CBFA2T3: variants seen among roughly 807,000 people sequenced by gnomAD.
The protein encoded by CBFA2T3 is CBFA2/RUNX1 partner transcriptional co-repressor 3.
CBFA2T3 carries 31 observed loss-of-function variants against 58.6 expected under a neutral mutation model. The observed-to-expected ratio is 0.53, with a 90% CI of 0.40 to 0.71. The LOEUF (loss-of-function observed/expected upper bound fraction) is 0.71, where lower values mean the gene tolerates loss of function less well. CBFA2T3 is among the 30% of genes least tolerant of loss of function. CBFA2T3 has a pLI of 0.00. For missense variants in CBFA2T3, 1,076 were observed against 963.1 expected (o/e 1.12, Z -1.55); for synonymous variants, 531 against 421.9 (o/e 1.26, Z -3.17).
chr16:88,968,242 G>A (rs968461017), intron 1 of CBFA2T3, among the ~76,000 whole-genome samples: 2 of 152,206 alleles, frequency 1.3e-5, no homozygotes, highest in African/African-American at 4.8e-5. Context: ...CGTCCCAGCT[G>A]TCTCTGGCCC....
Position 88,973,523 on chromosome 16 carries a change from C to T in CBFA2T3, c.151+3134G>A, listed in dbSNP as rs531644943. Among the ~76,000 whole-genome samples the T allele has an allele frequency of 7.3e-4, 111 of 152,288 alleles. 1 individual carries two copies. The Middle Eastern group carries it at 0.027, about 37-fold the overall frequency. Reference sequence around the variant, plus strand: ...ACTGCAGCCCCAGGAGATAGAAACACCCGGGGAGGGCAATCCAGACCCAGA... The same window carrying T: ...ACTGCAGCCCCAGGAGATAGAAACATCCGGGGAGGGCAATCCAGACCCAGA... On this transcript the variant is annotated intron_variant, in intron 1 of 11. Coordinates refer to ENST00000268679, the MANE Select transcript of CBFA2T3 (RefSeq NM_005187.6).
intron 1 of CBFA2T3, among the ~76,000 whole-genome samples, chr16:88,942,430 C>T (rs928637337): frequency 2.0e-5 from 3 of 152,158 alleles, no homozygotes; most frequent in African/African-American, 4.8e-5. Flanking sequence ...TGTGAAGGTC[C>T]GAGGTCCCCA....
intron 1 of CBFA2T3, among the ~76,000 whole-genome samples, chr16:88,923,262 G>A (rs550583637): frequency 2.6e-5 from 4 of 152,228 alleles, no homozygotes; most frequent in South Asian, 4.1e-4. Context: ...CCTGTGAAAC[G>A]GGGGGGACCC....
intron 1 of CBFA2T3, among the ~76,000 whole-genome samples, chr16:88,924,445 G>T (rs1416591564): frequency 6.6e-6 from 1 of 152,202 alleles, no homozygotes; most frequent in Non-Finnish European, 1.5e-5. Context: ...GAGGCTCTCG[G>T]GGGCGATGGC....
chr16:88,926,073 G>C (rs1288342903), intron 1 of CBFA2T3, among the ~76,000 whole-genome samples: 1 of 152,224 alleles, frequency 6.6e-6, no homozygotes, highest in Non-Finnish European at 1.5e-5. Context: ...GGGAGCACTT[G>C]GTGGGCGCTG....
intron 3 of CBFA2T3, among the ~76,000 whole-genome samples, chr16:88,896,457 G>A (rs557349916): frequency 3.3e-5 from 5 of 152,142 alleles, no homozygotes; most frequent in Non-Finnish European, 2.9e-5. Flanking sequence ...CTTCTGGGGG[G>A]ACAGTGGACG....
chr16:88,944,393 G>C lies in CBFA2T3; in HGVS notation c.151+32264C>G, dbSNP rs941505798. Among the ~76,000 whole-genome samples, 3 of 150,340 alleles carry C rather than the reference G, an allele frequency of 2.0e-5. No homozygotes were observed. The South Asian group carries it at 6.3e-4, about 32-fold the overall frequency. ...CCTCCCCTCCTCATGGCATGGCAGCGTTTCCAAGTAAAGTTGACTCCCCAT... is the reference window on the plus strand; with the variant it reads ...CCTCCCCTCCTCATGGCATGGCAGCCTTTCCAAGTAAAGTTGACTCCCCAT... On this transcript the variant is annotated intron_variant, in intron 1 of 11. Coordinates refer to ENST00000268679, the MANE Select transcript of CBFA2T3 (RefSeq NM_005187.6).
chr16:88,975,938 C>T (rs1047708636), intron 1 of CBFA2T3, among the ~76,000 whole-genome samples: 1 of 152,344 alleles, frequency 6.6e-6, no homozygotes, highest in African/African-American at 2.4e-5. Flanking sequence ...AAGGTTCCGA[C>T]GGCTGCTGGG....
At chr16:88,962,730 G>A (rs1316950868) in intron 1 of CBFA2T3, among the ~76,000 whole-genome samples, 4 of 152,202 alleles carry the variant, frequency 2.6e-5, no homozygotes, top group African/African-American at 9.6e-5. Context: ...GCCCAGCCAC[G>A]AACATGGGTG....
At chr16:88,954,571 C>T (rs77945152) in intron 1 of CBFA2T3, among the ~76,000 whole-genome samples, 4 of 63,052 alleles carry the variant, frequency 6.3e-5, no homozygotes, top group South Asian at 1.5e-3. Context: ...CCTGACCCTA[C>T]CCAAGGCTCC....
intron 1 of CBFA2T3, among the ~76,000 whole-genome samples, chr16:88,934,226 G>A (rs1971420543): frequency 1.3e-5 from 2 of 151,322 alleles, no homozygotes; most frequent in African/African-American, 2.4e-5. Flanking sequence ...GAGAAGGGCT[G>A]CCCCATGCCC....
Position 88,963,636 on chromosome 16 carries a change from G to A in CBFA2T3, c.151+13021C>T, listed in dbSNP as rs528513505. On this transcript the variant is annotated intron_variant, in intron 1 of 11. Coordinates refer to ENST00000268679, the MANE Select transcript of CBFA2T3 (RefSeq NM_005187.6). ...ATAAAATGGGACCAGACCGTATGCGGCCTCTTGGCTCTTTCACTTAGTGTG... is the reference window on the plus strand; with the variant it reads ...ATAAAATGGGACCAGACCGTATGCGACCTCTTGGCTCTTTCACTTAGTGTG... Among the ~76,000 whole-genome samples the A allele has an allele frequency of 5.3e-5, 8 of 152,336 alleles. No individual in the cohort carries two copies. The South Asian group carries it at 1.2e-3, about 24-fold the overall frequency.
intron 1 of CBFA2T3, among the ~76,000 whole-genome samples, chr16:88,968,368 G>C (rs955705482): frequency 1.3e-5 from 2 of 152,248 alleles, no homozygotes; most frequent in African/African-American, 4.8e-5. Context: ...CCCAGGTGGG[G>C]ACGGCCCCTT....
At chr16:88,898,027 G>A in intron 3 of CBFA2T3, 51 bp downstream of exon 3, 12 of 1,335,528 alleles carry the variant, frequency 9.0e-6, no homozygotes, top group Non-Finnish European at 1.1e-5. Context: ...AGCTGAGGAT[G>A]CTGCGGTGAA....
chr16:88,975,686 G>T (rs993423315), intron 1 of CBFA2T3, among the ~76,000 whole-genome samples: 13 of 152,410 alleles, frequency 8.5e-5, no homozygotes, highest in African/African-American at 2.6e-4. Context: ...GGCACCCGGG[G>T]TTGGGAAGTT....
intron 1 of CBFA2T3, among the ~76,000 whole-genome samples, chr16:88,936,322 A>T (rs1971498759): frequency 6.6e-6 from 1 of 151,932 alleles, no homozygotes; most frequent in Admixed American, 6.6e-5. Context: ...TGCTGAGTAA[A>T]CAGAAGACTG....
At chr16:88,886,246 A>C in intron 5 of CBFA2T3, 104 bp from the exon 6 acceptor site, 2 of 764,268 alleles carry the variant, frequency 2.6e-6, no homozygotes, top group Non-Finnish European at 3.8e-6. Context: ...GCTCAACTTG[A>C]CCTCGGGCCT....
At chr16:88,931,581 G>A (rs112897271) in intron 1 of CBFA2T3, among the ~76,000 whole-genome samples, 10 of 147,806 alleles carry the variant, frequency 6.8e-5, no homozygotes, top group South Asian at 2.3e-4. Context: ...GGCCGGCCCC[G>A]TGGATGAGCC....
At chr16:88,886,791 A>G (rs1969394923) in intron 5 of CBFA2T3, 1 of 152,286 alleles carries the variant, frequency 6.6e-6, no homozygotes, top group Non-Finnish European at 1.5e-5. Flanking sequence ...TGCTCAAGTG[A>G]TCCTCCAGCC....
Sources: gnomAD v4.1 joint callset for allele counts (sites outside exome capture counted in the v4.1 genomes callset) on GRCh38, gnomAD v4.1.1 for gene constraint, MANE v1.5 for transcripts, NCBI Gene and HGNC (gene_info 2026-07-23, HGNC 2026-07-21) for gene names.